THEMIS: variants seen among roughly 807,000 people sequenced by gnomAD.
THEMIS encodes thymocyte selection associated.
THEMIS carries 37 observed loss-of-function variants against 52.6 expected under a neutral mutation model. That is an observed-to-expected ratio of 0.70 (90% confidence interval 0.54 to 0.93). The LOEUF (loss-of-function observed/expected upper bound fraction) is 0.93. Ranked by LOEUF, THEMIS falls within the 40% of genes least tolerant of loss-of-function variation. THEMIS has a pLI of 0.00. For missense variants in THEMIS, 808 were observed against 763.1 expected, an observed-to-expected ratio of 1.06 and a Z score of -0.69; for synonymous variants, 292 against 272.7, an observed-to-expected ratio of 1.07 and a Z score of -0.70.
chr6:127,765,160 T>C (rs896664190), intron 4 of THEMIS, among the ~76,000 whole-genome samples: 7 of 152,074 alleles, frequency 4.6e-5, no homozygotes, highest in East Asian at 3.9e-4. Context: ...CTCTTAATGG[T>C]TCTAATAACA....
intron 4 of THEMIS, among the ~76,000 whole-genome samples, chr6:127,788,405 G>A (rs947925689): frequency 6.6e-6 from 1 of 152,138 alleles, no homozygotes; most frequent in Admixed American, 6.5e-5. Context: ...ATAATGAAAG[G>A]TTGAGGGATG....
chr6:127,878,151 T>C (rs1780370976), intron 1 of THEMIS, among the ~76,000 whole-genome samples: 1 of 152,334 alleles, frequency 6.6e-6, no homozygotes, highest in African/African-American at 2.4e-5. Context: ...ATCAGTGGTG[T>C]TCAAAATGTG....
chr6:127,735,281 T>C (rs1166172256), intron 4 of THEMIS, among the ~76,000 whole-genome samples: 1 of 151,042 alleles, frequency 6.6e-6, no homozygotes, highest in East Asian at 2.0e-4. Flanking sequence ...ATCTTGATAA[T>C]TAAAGACTAA....
chr6:127,775,671 CT>C (rs1176782047), intron 4 of THEMIS, among the ~76,000 whole-genome samples: 1 of 151,634 alleles, frequency 6.6e-6, no homozygotes, highest in East Asian at 1.9e-4. Flanking sequence ...TTCCCCACCC[CT>C]GGCAAAAAAC....
chr6:127,918,504 T>G (rs915689253), exon 1 of THEMIS: 11 of 152,130 alleles, frequency 7.2e-5, no homozygotes, highest in African/African-American at 2.7e-4. Context: ...TTTCCTCCTC[T>G]CCTGTAGAAA....
intron 4 of THEMIS, among the ~76,000 whole-genome samples, chr6:127,779,826 T>C (rs1776684555): frequency 6.6e-6 from 1 of 152,184 alleles, no homozygotes; most frequent in Admixed American, 6.5e-5. Flanking sequence ...AATGTTCTAA[T>C]TATACTGTTT....
intron 4 of THEMIS, among the ~76,000 whole-genome samples, chr6:127,765,783 A>G (rs1265696286): frequency 6.6e-6 from 1 of 152,156 alleles, no homozygotes; most frequent in Non-Finnish European, 1.5e-5. Flanking sequence ...AGGTCATACC[A>G]TATAGCCTAG....
intron 4 of THEMIS, among the ~76,000 whole-genome samples, chr6:127,806,401 A>G (rs1210327022): frequency 6.6e-6 from 1 of 152,126 alleles, no homozygotes; most frequent in East Asian, 1.9e-4. Context: ...CACTATAGAT[A>G]AGGAGTGGGG....
chr6:127,904,903 T>C (rs1260748563), upstream of THEMIS, among the ~76,000 whole-genome samples: 1 of 152,072 alleles, frequency 6.6e-6, no homozygotes, highest in Non-Finnish European at 1.5e-5. Context: ...GAGAGGATTG[T>C]TGAACTGGAA....
chr6:127,704,430 A>G (rs1773774418), downstream of THEMIS, among the ~76,000 whole-genome samples: 1 of 152,202 alleles, frequency 6.6e-6, no homozygotes, highest in African/African-American at 2.4e-5. Context: ...GGCGTCTAAT[A>G]GATAAAGATA....
intron 1 of THEMIS, among the ~76,000 whole-genome samples, chr6:127,884,483 A>G (rs530737686): frequency 6.6e-5 from 10 of 152,222 alleles, no homozygotes; most frequent in Non-Finnish European, 1.5e-4. Flanking sequence ...TAATGTTTTT[A>G]TCATCTACCA....
chr6:127,703,035 GTTT>G, the THEMIS span, among the ~76,000 whole-genome samples: 168 of 82,378 alleles, frequency 2.0e-3, 1 homozygote, highest in African/African-American at 6.5e-3. Flanking sequence ...TTTAGAATGA[GTTT>G]TTTTTTTTTT....
At chr6:127,861,825 AAAAG>A (rs1187955973) in intron 1 of THEMIS, among the ~76,000 whole-genome samples, 4 of 151,004 alleles carry the variant, frequency 2.6e-5, no homozygotes, top group African/African-American at 7.3e-5. Flanking sequence ...GAAAAGAAAA[AAAAG>A]AAAGAAAGAA....
chr6:127,717,405 T>C (rs181993049), intron 5 of THEMIS, among the ~76,000 whole-genome samples: 2 of 152,024 alleles, frequency 1.3e-5, no homozygotes, highest in South Asian at 4.1e-4. Flanking sequence ...AACTTTTTTT[T>C]AAGTAATTTA....
chr6:127,848,407 C>T (rs1347309044), intron 2 of THEMIS, among the ~76,000 whole-genome samples: 6 of 151,894 alleles, frequency 4.0e-5, no homozygotes, highest in Non-Finnish European at 8.8e-5. Flanking sequence ...GTCTTTATAG[C>T]AGCATGATTT....
At chr6:127,798,354 T>C (rs1777402224) in intron 4 of THEMIS, among the ~76,000 whole-genome samples, 1 of 152,198 alleles carries the variant, frequency 6.6e-6, no homozygotes, top group South Asian at 2.1e-4. Flanking sequence ...CAGAATTTTT[T>C]TTTTCTTTTA....
downstream of THEMIS, among the ~76,000 whole-genome samples, chr6:127,703,471 A>T (rs1047894558): frequency 4.6e-5 from 7 of 152,136 alleles, no homozygotes; most frequent in African/African-American, 1.4e-4. Flanking sequence ...GGGGCAAGAA[A>T]ATCCTGGAGG....
chr6:127,739,398 A>C (rs13215234), intron 4 of THEMIS, among the ~76,000 whole-genome samples: 1 of 152,186 alleles, frequency 6.6e-6, no homozygotes, highest in African/African-American at 2.4e-5. Flanking sequence ...TTGTAATCCC[A>C]GCACTTTGGG....
intron 1 of THEMIS, among the ~76,000 whole-genome samples, chr6:127,906,902 T>A (rs1237148248): frequency 6.6e-6 from 1 of 151,782 alleles, no homozygotes. Context: ...TGTTAGATTC[T>A]CTATAGCTGC....
Sources: allele counts gnomAD v4.1 joint callset (sites outside exome capture counted in the v4.1 genomes callset), GRCh38; gene constraint gnomAD v4.1.1; transcripts MANE v1.5; gene names NCBI Gene and HGNC (gene_info 2026-07-23, HGNC 2026-07-21).